RBFOX1: variants seen among roughly 807,000 people sequenced by gnomAD.
RBFOX1 encodes the protein RNA binding protein fox-1 homolog 1.
RBFOX1 carries 8 observed loss-of-function variants against 57.7 expected under a neutral mutation model. The ratio of observed to expected loss-of-function variants is 0.14; its 90% confidence interval spans 0.08 to 0.25. The LOEUF (loss-of-function observed/expected upper bound fraction) is 0.25, where lower values mean the gene tolerates loss of function less well. RBFOX1 is among the 10% of genes least tolerant of loss of function. The probability of loss-of-function intolerance (pLI) is 1.00; values close to 1 mark genes in which losing one functional copy is unlikely to be tolerated. For synonymous variants in RBFOX1, 326 were observed against 222.4 expected (o/e 1.47, Z -4.15); for missense variants, 611 against 548.5 (o/e 1.11, Z -1.14).
chr16:7,327,451 T>G (rs745628176), intron 4 of RBFOX1, among the ~76,000 whole-genome samples: 5 of 152,188 alleles, frequency 3.3e-5, no homozygotes, highest in Non-Finnish European at 4.4e-5. Context: ...AAGTGAGTGA[T>G]TGTGTGAGTA....
intron 1 of RBFOX1, among the ~76,000 whole-genome samples, chr16:5,461,070 G>C (rs1289253746): frequency 6.6e-6 from 1 of 152,062 alleles, no homozygotes; most frequent in Non-Finnish European, 1.5e-5. Context: ...CATTTCCAAG[G>C]GGCTCCTGCA....
chr16:5,415,400 C>A (rs536726939), intron 1 of RBFOX1, among the ~76,000 whole-genome samples: 2 of 152,288 alleles, frequency 1.3e-5, no homozygotes, highest in South Asian at 4.2e-4. Context: ...CCCACCGATT[C>A]CCTCCTCTGA....
intron 4 of RBFOX1, among the ~76,000 whole-genome samples, chr16:7,171,211 C>A (rs573128377): frequency 2.2e-4 from 33 of 152,290 alleles, no homozygotes; most frequent in African/African-American, 7.2e-4. Context: ...GTACTAACTC[C>A]CAGGTCTAAC....
intron 4 of RBFOX1, among the ~76,000 whole-genome samples, chr16:7,072,464 TAACTC>T (rs1041288619): frequency 2.6e-5 from 4 of 152,212 alleles, no homozygotes; most frequent in African/African-American, 7.2e-5. Flanking sequence ...ATTTTGTTCT[TAACTC>T]TACTCTCTAC....
At chr16:7,494,522 A>T (rs2067958340) in intron 4 of RBFOX1, among the ~76,000 whole-genome samples, 1 of 152,214 alleles carries the variant, frequency 6.6e-6, no homozygotes, top group Non-Finnish European at 1.5e-5. Flanking sequence ...CTTCGCTTAA[A>T]TAACAATAAC....
At chr16:5,715,056 G>C (rs1404866050) in intron 3 of RBFOX1, among the ~76,000 whole-genome samples, 2 of 152,180 alleles carry the variant, frequency 1.3e-5, no homozygotes, top group Admixed American at 6.5e-5. Context: ...AACTTTTCCT[G>C]CTTCTCCAGT....
chr16:7,000,873 A>C (rs140550851), intron 3 of RBFOX1, among the ~76,000 whole-genome samples: 14,207 of 152,078 alleles, frequency 0.093, 2,213 homozygotes, highest in African/African-American at 0.32. Flanking sequence ...AAGTGCTGGG[A>C]TTACAGGCGT....
rs1021173861 is a variant in RBFOX1 at position 7,142,229 on chromosome 16, G to C, written c.27+90131G>C. Among the ~76,000 whole-genome samples, 6 of 152,114 alleles carry C rather than the reference G, an allele frequency of 3.9e-5. No individual in the cohort carries two copies. In the South Asian group the frequency reaches 1.2e-3, roughly 32 times the overall value. ...TGTAAAGATGGGGTTTCATCATGTTGTCCAGGCTGGCCTTGATCTGCTGAG... is the reference window on the plus strand; with the variant it reads ...TGTAAAGATGGGGTTTCATCATGTTCTCCAGGCTGGCCTTGATCTGCTGAG... On this transcript the variant is annotated intron_variant, in intron 4 of 15. Transcript: ENST00000550418.
chr16:7,593,290 C>T (rs960313101), intron 7 of RBFOX1, among the ~76,000 whole-genome samples: 17 of 152,158 alleles, frequency 1.1e-4, no homozygotes, highest in African/African-American at 4.1e-4. Flanking sequence ...TCCCAAGTTC[C>T]TTCTGATATG....
chr16:7,182,849 T>C (rs1443556758), intron 4 of RBFOX1, among the ~76,000 whole-genome samples: 3 of 152,172 alleles, frequency 2.0e-5, no homozygotes, highest in Admixed American at 1.3e-4. Context: ...TTATGGCAAT[T>C]GCATTTTAGC....
chr16:7,172,047 C>G (rs1038153116), intron 4 of RBFOX1, among the ~76,000 whole-genome samples: 4 of 149,380 alleles, frequency 2.7e-5, no homozygotes, highest in African/African-American at 7.6e-5. Flanking sequence ...TCACAATTCA[C>G]ATGATATTGG....
intron 3 of RBFOX1, among the ~76,000 whole-genome samples, chr16:6,820,932 T>C (rs1487772547): frequency 6.6e-6 from 1 of 152,206 alleles, no homozygotes; most frequent in Admixed American, 6.5e-5. Flanking sequence ...TGCACAATGG[T>C]TGAATGATAA....
At chr16:6,980,644 A>G (rs1240828997) in intron 3 of RBFOX1, among the ~76,000 whole-genome samples, 1 of 152,162 alleles carries the variant, frequency 6.6e-6, no homozygotes, top group Admixed American at 6.6e-5. Flanking sequence ...AGGTGTTGGT[A>G]TTTCTCAAGG....
chr16:5,918,015 C>G (rs933489050), intron 4 of RBFOX1, among the ~76,000 whole-genome samples: 3 of 152,182 alleles, frequency 2.0e-5, no homozygotes, highest in African/African-American at 7.2e-5. Flanking sequence ...GCTTGATCCT[C>G]GCCTTCTAAG....
intron 3 of RBFOX1, among the ~76,000 whole-genome samples, chr16:6,977,528 G>A (rs1011415645): frequency 1.3e-5 from 2 of 151,940 alleles, no homozygotes; most frequent in Non-Finnish European, 2.9e-5. Context: ...ACTCAAAATG[G>A]AGTCACTGTA....
intron 3 of RBFOX1, among the ~76,000 whole-genome samples, chr16:5,614,398 A>G (rs1023066387): frequency 6.6e-6 from 1 of 152,180 alleles, no homozygotes; most frequent in Non-Finnish European, 1.5e-5. Flanking sequence ...TGGGGATTTC[A>G]TAAACATTAT....
At chr16:5,587,711 T>G (rs2046878417) in intron 2 of RBFOX1, among the ~76,000 whole-genome samples, 1 of 152,142 alleles carries the variant, frequency 6.6e-6, no homozygotes, top group African/African-American at 2.4e-5. Flanking sequence ...AGACTCTGTC[T>G]CGAAAAAGTC....
chr16:7,667,677 C>A (rs368293326), intron 13 of RBFOX1, among the ~76,000 whole-genome samples: 1 of 151,690 alleles, frequency 6.6e-6, no homozygotes, highest in Non-Finnish European at 1.5e-5. Context: ...ATTTAAACCT[C>A]TTTTTGTTAT....
chr16:6,861,240 T>G (rs887226288), intron 3 of RBFOX1, among the ~76,000 whole-genome samples: 1 of 151,968 alleles, frequency 6.6e-6, no homozygotes, highest in Non-Finnish European at 1.5e-5. Context: ...GCATGCTGAG[T>G]TTTTTGAGCA....
Sources: gnomAD v4.1 joint callset for allele counts (sites outside exome capture counted in the v4.1 genomes callset) on GRCh38, gnomAD v4.1.1 for gene constraint, MANE v1.5 for transcripts, NCBI Gene and HGNC (gene_info 2026-07-23, HGNC 2026-07-21) for gene names.